Variants in NAA25 observed in about 807,000 individuals in gnomAD.
NAA25 encodes the protein N-terminal acetyltransferase B complex subunit NAA25.
A neutral mutation model predicts 132.5 loss-of-function variants in NAA25; 30 were observed. The observed-to-expected ratio is 0.23, with a 90% CI of 0.17 to 0.31. The LOEUF (loss-of-function observed/expected upper bound fraction) is 0.31. Among genes scored for constraint, NAA25 ranks in the 10% least tolerant of loss-of-function variants. The probability of loss-of-function intolerance (pLI) is 1.00; values close to 1 mark genes in which losing one functional copy is unlikely to be tolerated. For missense variants in NAA25, 771 were observed against 1,150.4 expected, an observed-to-expected ratio of 0.67 and a Z score of 4.77; for synonymous variants, 359 against 401.9, an observed-to-expected ratio of 0.89 and a Z score of 1.28.
chr12:112,042,061 C>T lies in NAA25; in HGVS notation c.2418G>A (p.Lys806=). ...EIQERIENSF[K]SLLDQLKDVF... ...TACCTTTTAACTGGTCTAGTAAAGA[C>T]TTAAAACTATTTTCTATTCGTTCCT... Residue 806 remains lysine (K), a synonymous_variant, in exon 20 of 24, where the codon AAG becomes AAA. Coordinates refer to ENST00000261745, the MANE Select transcript of NAA25 (RefSeq NM_024953.4). The T allele has an allele frequency of 1.3e-6, 2 of 1,484,626 alleles. No individual in the cohort carries two copies. Among genetic ancestry groups the T allele is most frequent in the Non-Finnish European group, 1.8e-6 (2 of 1,119,092 alleles). The allele number at this position is 1,484,626 out of a possible 1,614,324, so 92.0% of individuals were successfully genotyped here.
At chr12:112,093,978 C>T (rs2079174862) in intron 1 of NAA25, among the ~76,000 whole-genome samples, 1 of 151,322 alleles carries the variant, frequency 6.6e-6, no homozygotes, top group African/African-American at 2.4e-5. Flanking sequence ...GTCAAGAATA[C>T]AAACTTATCC....
At chr12:112,062,451 G>A (rs979377130) in intron 11 of NAA25, among the ~76,000 whole-genome samples, 7 of 150,186 alleles carry the variant, frequency 4.7e-5, no homozygotes, top group South Asian at 2.1e-4. Flanking sequence ...GGTGTGGTGC[G>A]CGGTGGCTCA....
At position 112,049,718 on chromosome 12, in the gene NAA25, T is replaced by A; in HGVS notation, c.1729-1275A>T. The A allele has an allele frequency of 2.5e-6, 2 of 814,576 alleles. No individual in the cohort carries two copies. Among genetic ancestry groups the A allele is most frequent in the Non-Finnish European group, 3.0e-6 (2 of 674,066 alleles). The allele number at this position is 814,576 out of a possible 1,614,324, so 50.5% of individuals were successfully genotyped here. On this transcript the variant is annotated intron_variant, in intron 15 of 23. Transcript: ENST00000261745. This position sits in a 1 kb window ranked among gnomAD's most constrained non-coding sequence, Gnocchi z 4.7. ...AAAAAGCTCGAGTATACCTTCTAGC[T>A]TGATTAAAGGACAGTGATACACCCT...
intron 13 of NAA25, among the ~76,000 whole-genome samples, 157 bp downstream of exon 13, chr12:112,060,113 C>A (rs2078604814): frequency 6.6e-6 from 1 of 152,156 alleles, no homozygotes. Flanking sequence ...CTGGCCAAGA[C>A]AGGTTTTTCT....
At chr12:112,029,995 T>G (rs1318096878) in intron 23 of NAA25, among the ~76,000 whole-genome samples, 2 of 152,080 alleles carry the variant, frequency 1.3e-5, no homozygotes, top group African/African-American at 4.8e-5. Context: ...GGTGGATCAC[T>G]TGAGCCCAGG....
Position 112,028,497 on chromosome 12 carries a change from A to T in NAA25, c.*1034T>A, listed in dbSNP as rs1005981847. On this transcript the variant is annotated 3_prime_UTR_variant, in exon 24 of 24. Coordinates refer to ENST00000261745, the MANE Select transcript of NAA25 (RefSeq NM_024953.4). ...AGTAGTCCAAACCTCAAACCCACTG[A>T]ATAACATTTCTTTTGCCAGCCTAAA... 2.0e-5 allele frequency: 3 copies of T among 152,230 alleles called. No individual in the cohort carries two copies. The highest frequency in any genetic ancestry group is 7.2e-5 in the African/African-American group (3 of 41,430). The allele number at this position is 152,230 out of a possible 1,614,324, so 9.4% of individuals were successfully genotyped here.
chr12:112,049,586 C>G lies in NAA25; in HGVS notation c.1729-1143G>C. ...CGGCTTTTAAACCCCCATGGGACAC[C>G]TCGGCGAGCTGTTTGCCTGCAGTAT... On this transcript the variant is annotated intron_variant, in intron 15 of 23. Transcript: ENST00000261745. This position sits in a 1 kb window ranked among gnomAD's most constrained non-coding sequence, Gnocchi z 4.7. The G allele has an allele frequency of 1.0e-6, 1 of 985,808 alleles. No homozygotes were observed. Among genetic ancestry groups the G allele is most frequent in the Non-Finnish European group, 1.2e-6 (1 of 829,952 alleles). 61.1% of individuals were successfully genotyped at this position (985,808 alleles called of 1,614,324 possible).
chr12:112,099,429 T>A (rs189436873), intron 1 of NAA25, among the ~76,000 whole-genome samples: 1 of 152,046 alleles, frequency 6.6e-6, no homozygotes, highest in African/African-American at 2.4e-5. Flanking sequence ...TTTCCACTCA[T>A]AGCAATAATA....
chr12:112,083,918 T>C (rs889911495), intron 4 of NAA25, among the ~76,000 whole-genome samples: 1 of 152,140 alleles, frequency 6.6e-6, no homozygotes, highest in Non-Finnish European at 1.5e-5. Context: ...AGGAAATTCA[T>C]TTTACTTGAG....
At chr12:112,058,497 TC>T (rs895113912) in intron 13 of NAA25, among the ~76,000 whole-genome samples, 2 of 152,198 alleles carry the variant, frequency 1.3e-5, no homozygotes, top group African/African-American at 4.8e-5. Context: ...GGATTTTTTT[TC>T]TTTTTAAATT....
intron 20 of NAA25, among the ~76,000 whole-genome samples, chr12:112,041,249 G>A (rs892471732): frequency 6.6e-6 from 1 of 151,038 alleles, no homozygotes; most frequent in Non-Finnish European, 1.5e-5. Context: ...GTGTAGTGGC[G>A]CTATCTCAGC....
chr12:112,099,356 T>C (rs1325530093), intron 1 of NAA25, among the ~76,000 whole-genome samples: 7 of 151,884 alleles, frequency 4.6e-5, no homozygotes, highest in East Asian at 1.9e-4. Flanking sequence ...GTTAATAACA[T>C]TGTTTAGTTT....
chr12:112,072,270 A>G (rs2078821233), intron 9 of NAA25, among the ~76,000 whole-genome samples: 2 of 152,202 alleles, frequency 1.3e-5, no homozygotes. Flanking sequence ...TTACTGCAGC[A>G]TAACTTACCT....
intron 22 of NAA25, among the ~76,000 whole-genome samples, chr12:112,038,869 C>T (rs930548398): frequency 2.0e-5 from 3 of 152,278 alleles, no homozygotes; most frequent in African/African-American, 7.2e-5. Context: ...ATCCCAGCTA[C>T]TCGGGAAGCT....
chr12:112,056,194 C>T (rs563920524), intron 13 of NAA25, among the ~76,000 whole-genome samples: 16 of 152,050 alleles, frequency 1.1e-4, no homozygotes, highest in Admixed American at 9.2e-4. Flanking sequence ...ATTAGCCGGG[C>T]GTGGTGGCGG....
intron 8 of NAA25, among the ~76,000 whole-genome samples, chr12:112,075,349 T>C (rs944156462): frequency 6.6e-6 from 1 of 152,016 alleles, no homozygotes; most frequent in African/African-American, 2.4e-5. Context: ...CCACCACAAC[T>C]AGCTAATTTT....
chr12:112,033,364 T>G lies in NAA25; in HGVS notation c.2665A>C (p.Ser889Arg). The part of the protein sequence containing the change: ...TSIIMPPVFT[S>R]FQDYVTGLQT... ...AGCCCAGTAACATAGTCTTGGAAAC[T>G]GGTAAAGACAGGTGGCTGGGAAAAA... Residue 889 changes from serine (S) to arginine (R), a missense_variant, in exon 23 of 24, where the codon AGT becomes CGT. By Grantham distance (110) the Ser-to-Arg change is moderately radical. This residue lies in a region of NAA25 where 324 missense variants were observed against 400.0 expected (regional missense o/e 0.81). Coordinates refer to ENST00000261745, the MANE Select transcript of NAA25 (RefSeq NM_024953.4). 1 of 1,606,178 alleles carries G rather than the reference T, an allele frequency of 6.2e-7. No individual in the cohort carries two copies. The highest frequency in any genetic ancestry group is 8.5e-7 in the Non-Finnish European group (1 of 1,177,526).
At chr12:112,032,213 C>T (rs960545180) in intron 23 of NAA25, among the ~76,000 whole-genome samples, 6 of 152,000 alleles carry the variant, frequency 3.9e-5, no homozygotes, top group African/African-American at 1.4e-4. Context: ...TGATCTGCCT[C>T]CCTCCGCCTC....
intron 1 of NAA25, among the ~76,000 whole-genome samples, chr12:112,097,896 T>C (rs1049617679): frequency 2.0e-5 from 3 of 151,468 alleles, no homozygotes; most frequent in Admixed American, 6.6e-5. Context: ...GGCAGACAGA[T>C]CCCTTGAGGT....
Sources: gnomAD v4.1 joint callset for allele counts (sites outside exome capture counted in the v4.1 genomes callset) on GRCh38, gnomAD v4.1.1 for gene constraint, gnomAD v4.1.1 regional missense constraint, Gnocchi (gnomAD v3.1) non-coding constraint, MANE v1.5 for transcripts, NCBI Gene and HGNC (gene_info 2026-07-23, HGNC 2026-07-21) for gene names.